SUPT3H: variants seen among roughly 807,000 people sequenced by gnomAD.
The protein encoded by SUPT3H is SPT3 homolog, SAGA and STAGA complex component, also known as transcription initiation protein SPT3 homolog.
SUPT3H carries 44 observed loss-of-function variants against 44.3 expected under a neutral mutation model. That is an observed-to-expected ratio of 0.99 (90% CI 0.78 to 1.28). The LOEUF (loss-of-function observed/expected upper bound fraction) is 1.28. Ranked by LOEUF, SUPT3H falls within the 50% of genes most tolerant of loss-of-function variation. The probability of loss-of-function intolerance (pLI) is 0.00; values close to 1 mark genes in which losing one functional copy is unlikely to be tolerated. For synonymous variants in SUPT3H, 124 were observed against 125.6 expected (o/e 0.99, Z 0.09); for missense variants, 380 against 387.1 (o/e 0.98, Z 0.15).
intron 2 of SUPT3H, among the ~76,000 whole-genome samples, chr6:45,260,168 A>G (rs1039605735): frequency 1.3e-5 from 2 of 152,188 alleles, no homozygotes; most frequent in Non-Finnish European, 1.5e-5. Flanking sequence ...CACCTACCAC[A>G]GATTTATCTC....
chr6:45,088,961 G>A (rs553176169), intron 3 of SUPT3H, among the ~76,000 whole-genome samples: 1 of 152,108 alleles, frequency 6.6e-6, no homozygotes, highest in African/African-American at 2.4e-5. Context: ...CACTAACTTT[G>A]TAAATTTGAT....
chr6:45,242,617 G>T (rs1483105377), intron 2 of SUPT3H, among the ~76,000 whole-genome samples: 1 of 152,080 alleles, frequency 6.6e-6, no homozygotes, highest in African/African-American at 2.4e-5. Flanking sequence ...AGAGTAAAAA[G>T]TATTCCATAC....
At chr6:45,070,426 C>G (rs1488107316) in intron 3 of SUPT3H, among the ~76,000 whole-genome samples, 1 of 152,032 alleles carries the variant, frequency 6.6e-6, no homozygotes, top group African/African-American at 2.4e-5. Context: ...GATAAGGTCA[C>G]ATGCATGGAC....
At chr6:45,027,862 T>G (rs1786272560) in intron 3 of SUPT3H, among the ~76,000 whole-genome samples, 1 of 152,212 alleles carries the variant, frequency 6.6e-6, no homozygotes, top group African/African-American at 2.4e-5. Context: ...CACTGCTACC[T>G]TTTCTTCTAG....
At chr6:44,935,168 T>A (rs2153462713) in intron 9 of SUPT3H, among the ~76,000 whole-genome samples, 1 of 152,208 alleles carries the variant, frequency 6.6e-6, no homozygotes, top group East Asian at 1.9e-4. Context: ...AATCCCAGTT[T>A]TTTTTTTTTC....
At chr6:44,817,396 G>A (rs1245474290) in intron 11 of SUPT3H, among the ~76,000 whole-genome samples, 3 of 152,088 alleles carry the variant, frequency 2.0e-5, no homozygotes, top group African/African-American at 7.2e-5. Context: ...AAGGCTGAAT[G>A]CTTTCCCCAT....
At chr6:44,900,278 G>A (rs568473338) in intron 10 of SUPT3H, among the ~76,000 whole-genome samples, 1 of 152,346 alleles carries the variant, frequency 6.6e-6, no homozygotes, top group South Asian at 2.1e-4. Flanking sequence ...CCTAGTCAAA[G>A]AAAGGGGTGA....
chr6:45,104,845 T>C (rs1799060968), intron 3 of SUPT3H, among the ~76,000 whole-genome samples: 1 of 152,050 alleles, frequency 6.6e-6, no homozygotes, highest in Non-Finnish European at 1.5e-5. Flanking sequence ...GATGCAGCTC[T>C]CCTTAACTTA....
chr6:45,359,623 A>C (rs1160627893), intron 2 of SUPT3H, among the ~76,000 whole-genome samples: 2 of 152,256 alleles, frequency 1.3e-5, no homozygotes, highest in Non-Finnish European at 2.9e-5. Context: ...AAATACAAGC[A>C]TCTAATAAGT....
chr6:45,344,101 T>C (rs1365453861), intron 2 of SUPT3H, among the ~76,000 whole-genome samples: 1 of 152,186 alleles, frequency 6.6e-6, no homozygotes, highest in Non-Finnish European at 1.5e-5. Context: ...GCAATTCAAA[T>C]TCCTTTTATT....
intron 7 of SUPT3H, among the ~76,000 whole-genome samples, chr6:44,959,270 T>C (rs1008208494): frequency 6.6e-6 from 1 of 152,002 alleles, no homozygotes; most frequent in African/African-American, 2.4e-5. Flanking sequence ...ACAAAGAGAA[T>C]ATAGGACTTA....
At chr6:45,213,549 T>G (rs1385547257) in intron 2 of SUPT3H, among the ~76,000 whole-genome samples, 2 of 152,106 alleles carry the variant, frequency 1.3e-5, no homozygotes, top group Non-Finnish European at 2.9e-5. Flanking sequence ...GAGAAACAAA[T>G]ATTTATAGCC....
intron 2 of SUPT3H, among the ~76,000 whole-genome samples, chr6:45,117,846 A>G (rs986409880): frequency 3.3e-5 from 5 of 152,120 alleles, no homozygotes. Context: ...CAGGAAGTAT[A>G]TAAGACAATT....
At chr6:44,920,565 CAA>C (rs5875898) in intron 10 of SUPT3H, among the ~76,000 whole-genome samples, 27,572 of 113,460 alleles carry the variant, frequency 0.24, 2,619 homozygotes, top group Non-Finnish European at 0.32. Flanking sequence ...TTGTTTCTTT[CAA>C]AAAAAAAAAA....
chr6:45,225,804 C>T (rs1360736325), intron 2 of SUPT3H, among the ~76,000 whole-genome samples: 3 of 152,106 alleles, frequency 2.0e-5, no homozygotes, highest in Non-Finnish European at 4.4e-5. Flanking sequence ...TTTATACCCA[C>T]AGATCAAGCA....
intron 2 of SUPT3H, among the ~76,000 whole-genome samples, chr6:45,308,812 G>A (rs1783511255): frequency 6.7e-6 from 1 of 150,310 alleles, no homozygotes; most frequent in African/African-American, 2.4e-5. Flanking sequence ...AAAAAAAGGT[G>A]CACAATTTGG....
intron 3 of SUPT3H, among the ~76,000 whole-genome samples, chr6:45,036,488 C>G (rs59204977): frequency 1.3e-5 from 2 of 151,984 alleles, no homozygotes; most frequent in Non-Finnish European, 2.9e-5. Flanking sequence ...TTTCAAAATT[C>G]TGATGAACAG....
At chr6:44,842,573 T>C (rs996334111) in intron 10 of SUPT3H, among the ~76,000 whole-genome samples, 6 of 152,130 alleles carry the variant, frequency 3.9e-5, no homozygotes, top group Admixed American at 2.0e-4. Context: ...CATTACCAAC[T>C]ATAAATCATT....
intron 9 of SUPT3H, among the ~76,000 whole-genome samples, chr6:44,937,386 C>A (rs556909502): frequency 6.6e-5 from 10 of 151,738 alleles, no homozygotes; most frequent in Non-Finnish European, 1.5e-4. Context: ...CCCAGCTACT[C>A]GGGAGGCTGA....
Sources: allele counts gnomAD v4.1 joint callset (sites outside exome capture counted in the v4.1 genomes callset), GRCh38; gene constraint gnomAD v4.1.1; transcripts MANE v1.5; gene names NCBI Gene and HGNC (gene_info 2026-07-23, HGNC 2026-07-21).